The following ASTN2 variants were observed in gnomAD, a reference collection of about 807,000 sequenced individuals.
The protein encoded by ASTN2 is astrotactin 2.
A neutral mutation model predicts 139.8 loss-of-function variants in ASTN2; 54 were observed. That is an observed-to-expected ratio of 0.39 (90% CI 0.31 to 0.48). The LOEUF (loss-of-function observed/expected upper bound fraction) is 0.48, where lower values mean the gene tolerates loss of function less well. ASTN2 is among the 20% of genes least tolerant of loss of function. ASTN2 has a pLI of 0.95. For missense variants in ASTN2, 1,565 were observed against 1,725.1 expected (o/e 0.91, Z 1.64); for synonymous variants, 756 against 719.5 (o/e 1.05, Z -0.81).
At chr9:116,757,725 T>C (rs570246201) in intron 13 of ASTN2, among the ~76,000 whole-genome samples, 3 of 152,232 alleles carry the variant, frequency 2.0e-5, no homozygotes, top group Admixed American at 2.0e-4. Context: ...CCAGAACATA[T>C]GACTGTCTCC....
At chr9:116,484,620 C>A (rs1355182586) in intron 20 of ASTN2, among the ~76,000 whole-genome samples, 1 of 152,178 alleles carries the variant, frequency 6.6e-6, no homozygotes, top group East Asian at 1.9e-4. Flanking sequence ...TTCCAAACAA[C>A]ACCCTGGTTC....
chr9:116,549,573 C>CA (rs1370037688), intron 19 of ASTN2, among the ~76,000 whole-genome samples: 7 of 152,216 alleles, frequency 4.6e-5, no homozygotes, highest in Non-Finnish European at 8.8e-5. Flanking sequence ...AGGCAGGAGG[C>CA]AGGATAGATG....
intron 19 of ASTN2, among the ~76,000 whole-genome samples, chr9:116,509,538 T>A (rs2119177654): frequency 6.6e-6 from 1 of 152,332 alleles, no homozygotes; most frequent in South Asian, 2.1e-4. Flanking sequence ...ATGGGATGGC[T>A]GGGTCAAATG....
intron 10 of ASTN2, among the ~76,000 whole-genome samples, chr9:116,950,045 G>C (rs1350722036): frequency 1.3e-5 from 2 of 151,948 alleles, no homozygotes; most frequent in Non-Finnish European, 2.9e-5. Context: ...TTCTCTTACA[G>C]AGGTCTATCA....
At chr9:117,404,451 G>A (rs1030346830) in intron 1 of ASTN2, among the ~76,000 whole-genome samples, 3 of 152,144 alleles carry the variant, frequency 2.0e-5, no homozygotes, top group African/African-American at 7.2e-5. Flanking sequence ...CATAGATGAA[G>A]GAGTTGGGTT....
intron 5 of ASTN2, among the ~76,000 whole-genome samples, chr9:117,092,822 A>G (rs1828738616): frequency 6.6e-6 from 1 of 152,212 alleles, no homozygotes; most frequent in Admixed American, 6.5e-5. Flanking sequence ...AGGAGCTGAA[A>G]TGGTGATGGC....
intron 6 of ASTN2, among the ~76,000 whole-genome samples, chr9:117,017,052 T>C (rs980823493): frequency 2.0e-5 from 3 of 151,720 alleles, no homozygotes; most frequent in African/African-American, 7.3e-5. Context: ...GGTGTTTGAG[T>C]CTGGACAAAA....
At chr9:116,557,177 TC>T (rs1475032307) in intron 19 of ASTN2, among the ~76,000 whole-genome samples, 1 of 127,948 alleles carries the variant, frequency 7.8e-6, no homozygotes, top group Non-Finnish European at 1.5e-5. Context: ...TGAGCTGATA[TC>T]ATGCCACTGT....
At chr9:116,461,421 C>CAT (rs548205985) in intron 20 of ASTN2, among the ~76,000 whole-genome samples, 2 of 151,780 alleles carry the variant, frequency 1.3e-5, no homozygotes, top group African/African-American at 2.4e-5. Context: ...CATGTATACG[C>CAT]ATATATATAT....
chr9:116,625,963 T>C (rs1856431593), intron 17 of ASTN2, among the ~76,000 whole-genome samples: 1 of 151,962 alleles, frequency 6.6e-6, no homozygotes, highest in Non-Finnish European at 1.5e-5. Flanking sequence ...AACTTCTCCA[T>C]GGCAAGGTCA....
chr9:116,747,378 G>T (rs1829270997), intron 13 of ASTN2, among the ~76,000 whole-genome samples: 1 of 152,194 alleles, frequency 6.6e-6, no homozygotes, highest in South Asian at 2.1e-4. Context: ...GAAAAGTAAA[G>T]GTTGACTTGT....
chr9:116,805,601 G>A, intron 13 of ASTN2, 31 bp downstream of exon 13: 1 of 1,601,178 alleles, frequency 6.2e-7, no homozygotes, highest in African/African-American at 1.3e-5. Context: ...CAGTGACTCA[G>A]ACAAGCAATG....
At chr9:116,479,840 A>G (rs772198710) in intron 20 of ASTN2, among the ~76,000 whole-genome samples, 2 of 152,126 alleles carry the variant, frequency 1.3e-5, no homozygotes, top group Non-Finnish European at 2.9e-5. Flanking sequence ...GACCCCTGTC[A>G]TTTCTATATG....
intron 16 of ASTN2, among the ~76,000 whole-genome samples, chr9:116,682,165 A>C (rs1473705571): frequency 2.0e-5 from 3 of 152,196 alleles, no homozygotes; most frequent in Non-Finnish European, 4.4e-5. Context: ...CAATGAACTC[A>C]AACAAATTTA....
intron 2 of ASTN2, among the ~76,000 whole-genome samples, chr9:117,217,265 T>C (rs911544574): frequency 2.6e-5 from 4 of 152,196 alleles, no homozygotes; most frequent in Non-Finnish European, 1.5e-5. Context: ...CCTGGGGGAA[T>C]CTCCTTGCCT....
chr9:116,910,742 C>A (rs1215747746), intron 10 of ASTN2, among the ~76,000 whole-genome samples: 1 of 152,142 alleles, frequency 6.6e-6, no homozygotes, highest in African/African-American at 2.4e-5. Flanking sequence ...AGACTTGATT[C>A]TTCTCATTAC....
intron 16 of ASTN2, among the ~76,000 whole-genome samples, chr9:116,655,998 C>A (rs1486624937): frequency 6.6e-6 from 1 of 151,974 alleles, no homozygotes; most frequent in Non-Finnish European, 1.5e-5. Context: ...AAAGTGCTGG[C>A]ATTATAGACA....
chr9:116,611,938 T>C lies in ASTN2; in HGVS notation c.3355+6386A>G, dbSNP rs192625692. The C allele has an allele frequency of 2.5e-3, 384 of 152,260 alleles. 1 individual carries two copies. Among genetic ancestry groups the C allele is most frequent in the African/African-American group, 8.7e-3 (363 of 41,582 alleles). The allele number at this position is 152,260 out of a possible 1,614,324, so 9.4% of individuals were successfully genotyped here. On this transcript the variant is annotated intron_variant, in intron 19 of 22. Transcript: ENST00000313400. ...AATTCATTTTGTGAGACCAGAATGA[T>C]CCTAATTAAAACAAACAGATAAAAC...
At chr9:116,755,504 C>G (rs920801087) in intron 13 of ASTN2, among the ~76,000 whole-genome samples, 1 of 152,330 alleles carries the variant, frequency 6.6e-6, no homozygotes, top group Non-Finnish European at 1.5e-5. Context: ...GAAAAGGCAG[C>G]CATCTGCAAG....
Sources: gnomAD v4.1 joint callset for allele counts (sites outside exome capture counted in the v4.1 genomes callset) on GRCh38, gnomAD v4.1.1 for gene constraint, MANE v1.5 for transcripts, NCBI Gene and HGNC (gene_info 2026-07-23, HGNC 2026-07-21) for gene names.